Variants in CSMD1 observed in about 807,000 individuals in gnomAD.
CSMD1 encodes CUB and sushi domain-containing protein 1.
A neutral mutation model predicts 417.5 loss-of-function variants in CSMD1; 213 were observed. The observed-to-expected ratio is 0.51, with a 90% CI of 0.46 to 0.57. The LOEUF (loss-of-function observed/expected upper bound fraction) is 0.57, where lower values mean the gene tolerates loss of function less well. CSMD1 is among the 20% of genes least tolerant of loss of function. The pLI is 0.00. For missense variants in CSMD1, 6,923 were observed against 4,529.7 expected (o/e 1.53, Z -15.17); for synonymous variants, 2,862 against 1,736.8 (o/e 1.65, Z -16.11).
Position 4,458,605 on chromosome 8 carries a change from T to C in CSMD1, c.303-38540A>G, listed in dbSNP as rs117015640. Among the ~76,000 whole-genome samples, 1,332 of 152,178 alleles carry C rather than the reference T, an allele frequency of 8.8e-3. 7 individuals are homozygous for C. Among genetic ancestry groups the C allele is most frequent in the Non-Finnish European group, 0.015 (999 of 67,986 alleles). Reference sequence around the variant, plus strand: ...TAAATACAAGGAAAAAAAAGAAAAATCATCACCCACACCTCAGCAGCAAAA... The same window carrying C: ...TAAATACAAGGAAAAAAAAGAAAAACCATCACCCACACCTCAGCAGCAAAA... On this transcript the variant is annotated intron_variant, in intron 2 of 69. Coordinates refer to ENST00000635120, the MANE Select transcript of CSMD1 (RefSeq NM_033225.6).
chr8:4,517,696 A>G (rs1018399113), intron 2 of CSMD1, among the ~76,000 whole-genome samples: 2 of 152,258 alleles, frequency 1.3e-5, no homozygotes, highest in African/African-American at 4.8e-5. Flanking sequence ...CAAACACTCA[A>G]AATACTAATA....
In CSMD1 at chr8:3,110,055, A is replaced by T. The variant is rs1476191732; in HGVS notation, c.6608+103T>A. On this transcript the variant is annotated intron_variant, in intron 43 of 69. Coordinates refer to ENST00000635120, the MANE Select transcript of CSMD1 (RefSeq NM_033225.6). ...GTGAATTTCTTCTCTAGTATCTAAGAAGTTTATTCTAAATATGTGCCTTGT... is the reference window on the plus strand; with the variant it reads ...GTGAATTTCTTCTCTAGTATCTAAGTAGTTTATTCTAAATATGTGCCTTGT... 4 of 959,902 alleles carry T rather than the reference A, an allele frequency of 4.2e-6. No individual in the cohort carries two copies. The African/African-American group carries it at 5.0e-5, about 12-fold the overall frequency. 59.5% of individuals were successfully genotyped at this position (959,902 alleles called of 1,614,324 possible).
At chr8:3,900,153 G>C (rs1456059554) in intron 5 of CSMD1, among the ~76,000 whole-genome samples, 1 of 152,066 alleles carries the variant, frequency 6.6e-6, no homozygotes, top group East Asian at 1.9e-4. Flanking sequence ...AGTGCAGCTA[G>C]ATGACACCAC....
Position 3,168,654 on chromosome 8 carries a change from A to ACACACACACAAAT in CSMD1, c.5726-6378_5726-6377insATTTGTGTGTGTG, listed in dbSNP as rs1554448540. Among the ~76,000 whole-genome samples, 22 of 105,282 alleles carry ACACACACACAAAT rather than the reference A, an allele frequency of 2.1e-4. No individual in the cohort carries two copies. In the East Asian group the frequency reaches 4.6e-3, roughly 22 times the overall value. The allele number at this position is 105,282 out of a possible 152,430, so 69.1% of individuals were successfully genotyped here. ...CATCACACACACACACACACACACA[A>ACACACACACAAAT]ATATATATATATATGGAAAACGCCA... On this transcript the variant is annotated intron_variant, in intron 37 of 69. Coordinates refer to ENST00000635120, the MANE Select transcript of CSMD1 (RefSeq NM_033225.6).
intron 3 of CSMD1, among the ~76,000 whole-genome samples, chr8:4,180,902 T>G (rs1156460584): frequency 6.6e-6 from 1 of 152,152 alleles, no homozygotes; most frequent in Non-Finnish European, 1.5e-5. Flanking sequence ...ATTGGTATAT[T>G]TATTTCTAAA....
At chr8:3,454,583 G>C (rs1188128439) in intron 12 of CSMD1, among the ~76,000 whole-genome samples, 1 of 152,172 alleles carries the variant, frequency 6.6e-6, no homozygotes, top group Non-Finnish European at 1.5e-5. Flanking sequence ...ACTTAGTTTG[G>C]CTGGATATGA....
chr8:4,127,468 A>G (rs1347734354), intron 3 of CSMD1, among the ~76,000 whole-genome samples: 1 of 107,228 alleles, frequency 9.3e-6, no homozygotes, highest in Admixed American at 8.9e-5. Flanking sequence ...AAAAAAAAAA[A>G]AAAAAAAAAA....
At chr8:4,004,315 G>A (rs538766875) in intron 4 of CSMD1, among the ~76,000 whole-genome samples, 43 of 151,980 alleles carry the variant, frequency 2.8e-4, no homozygotes, top group African/African-American at 9.2e-4. Flanking sequence ...ATCATAGTAC[G>A]TGTAGAACTT....
intron 5 of CSMD1, among the ~76,000 whole-genome samples, chr8:3,882,981 A>G (rs1278045489): frequency 1.3e-5 from 2 of 152,146 alleles, no homozygotes; most frequent in African/African-American, 4.8e-5. Context: ...TTGACTCTCA[A>G]TAGCTGATAT....
intron 3 of CSMD1, among the ~76,000 whole-genome samples, chr8:4,082,774 C>T (rs1166988317): frequency 1.7e-5 from 2 of 119,700 alleles, no homozygotes; most frequent in African/African-American, 6.4e-5. Context: ...CTCCCCCCAC[C>T]CCACAACAGT....
chr8:4,034,584 C>A (rs1055251373), intron 3 of CSMD1, among the ~76,000 whole-genome samples: 1 of 152,076 alleles, frequency 6.6e-6, no homozygotes, highest in Non-Finnish European at 1.5e-5. Flanking sequence ...ACTTTTGACT[C>A]AGAATGCCTT....
chr8:4,235,120 T>C (rs1053946907), intron 3 of CSMD1, among the ~76,000 whole-genome samples: 2 of 152,092 alleles, frequency 1.3e-5, no homozygotes, highest in Non-Finnish European at 2.9e-5. Flanking sequence ...GTTGCTTTAA[T>C]CCTAGAAAAA....
chr8:3,848,587 C>G (rs1201132689), intron 5 of CSMD1, among the ~76,000 whole-genome samples: 1 of 152,084 alleles, frequency 6.6e-6, no homozygotes, highest in Non-Finnish European at 1.5e-5. Flanking sequence ...TAAATATGTA[C>G]TTTGAACTGC....
chr8:4,650,573 A>G (rs866700145), intron 1 of CSMD1, among the ~76,000 whole-genome samples: 1 of 152,088 alleles, frequency 6.6e-6, no homozygotes, highest in South Asian at 2.1e-4. Flanking sequence ...ATGACATTGA[A>G]ACTCCACGGA....
At chr8:4,981,494 A>G (rs532125650) in intron 1 of CSMD1, among the ~76,000 whole-genome samples, 6 of 152,362 alleles carry the variant, frequency 3.9e-5, no homozygotes, top group African/African-American at 1.4e-4. Context: ...TCACAAATGC[A>G]CTGGGGAAAA....
chr8:4,145,961 C>T lies in CSMD1; in HGVS notation c.416-113862G>A, dbSNP rs375539452. On this transcript the variant is annotated intron_variant, in intron 3 of 69. Transcript: ENST00000635120. ...GACTGACCACGCTGTTTCTTGTTAC[C>T]GCTGTCATTTGTAGACAGGGTGCAA... 1.0e-3 allele frequency among the ~76,000 whole-genome samples: 157 copies of T among 150,874 alleles called. 3 individuals carry two copies. The South Asian group carries it at 0.031, about 30-fold the overall frequency.
chr8:4,166,931 G>A (rs1344225291), intron 3 of CSMD1, among the ~76,000 whole-genome samples: 1 of 152,142 alleles, frequency 6.6e-6, no homozygotes, highest in South Asian at 2.1e-4. Context: ...CAGCCAGGTG[G>A]GGTCAGTGGC....
chr8:3,796,502 GAT>G (rs1254337995), intron 5 of CSMD1, among the ~76,000 whole-genome samples: 18 of 139,630 alleles, frequency 1.3e-4, no homozygotes, highest in African/African-American at 3.7e-4. Context: ...TATAGATATA[GAT>G]ATATATATCT....
At chr8:4,906,050 G>T (rs971716114) in intron 1 of CSMD1, among the ~76,000 whole-genome samples, 3 of 152,006 alleles carry the variant, frequency 2.0e-5, no homozygotes, top group Non-Finnish European at 4.4e-5. Context: ...AAAATATACT[G>T]TAAGAAACTT....
Sources: allele counts gnomAD v4.1 joint callset (sites outside exome capture counted in the v4.1 genomes callset), GRCh38; gene constraint gnomAD v4.1.1; transcripts MANE v1.5; gene names NCBI Gene and HGNC (gene_info 2026-07-23, HGNC 2026-07-21).